Variants in NEO1 observed in about 807,000 individuals in gnomAD.
The protein encoded by NEO1 is neogenin 1.
In NEO1, 63 loss-of-function variants were observed where a neutral mutation model predicts 159.7. The observed-to-expected ratio is 0.39, with a 90% CI of 0.32 to 0.49. NEO1 has a LOEUF of 0.49. Ranked by LOEUF, NEO1 falls within the 20% of genes least tolerant of loss-of-function variation. The pLI is 0.85. For missense variants in NEO1, 1,615 were observed against 1,831.0 expected, an observed-to-expected ratio of 0.88 and a Z score of 2.15; for synonymous variants, 633 against 662.0, an observed-to-expected ratio of 0.96 and a Z score of 0.67.
intron 23 of NEO1, among the ~76,000 whole-genome samples, chr15:73,283,913 T>C (rs1223320312): frequency 6.6e-6 from 1 of 150,794 alleles, no homozygotes; most frequent in Admixed American, 6.6e-5. Context: ...GAGTTGGGGG[T>C]GGGGGTAGGA....
At chr15:73,254,185 G>A (rs1375216494) in intron 12 of NEO1, among the ~76,000 whole-genome samples, 4 of 151,470 alleles carry the variant, frequency 2.6e-5, no homozygotes, top group Non-Finnish European at 4.4e-5. Context: ...GTGAGACCCC[G>A]ACTCTAAAAA....
chr15:73,058,205 G>A (rs1271584400), intron 1 of NEO1, among the ~76,000 whole-genome samples: 1 of 152,158 alleles, frequency 6.6e-6, no homozygotes, highest in African/African-American at 2.4e-5. Flanking sequence ...AATTAAAGTA[G>A]TAGTTACAGA....
At chr15:73,085,525 GTTTAAC>G (rs1416600272) in intron 1 of NEO1, among the ~76,000 whole-genome samples, 1 of 152,136 alleles carries the variant, frequency 6.6e-6, no homozygotes, top group African/African-American at 2.4e-5. Context: ...TATGGTAAGT[GTTTAAC>G]TTTATGAGAT....
In NEO1 at chr15:73,244,954, CAA is replaced by C. The variant is rs57566986; in HGVS notation, c.1606+484_1606+485del. 1.8e-3 allele frequency among the ~76,000 whole-genome samples: 29 copies of C among 16,514 alleles called. 1 individual carries two copies. The highest frequency in any genetic ancestry group is 2.7e-3 in the African/African-American group (13 of 4,806). The allele number at this position is 16,514 out of a possible 152,430, so 10.8% of individuals were successfully genotyped here. The stretch of plus-strand genomic sequence containing the variant: ...TGGGTGACAGAGTGAGACTCTGTCT[CAA>C]AAAAAAAAAAAAAAAAAAAAAAAAA... On this transcript the variant is annotated intron_variant, in intron 9 of 28. Coordinates refer to ENST00000261908, the MANE Select transcript of NEO1 (RefSeq NM_002499.4).
intron 7 of NEO1, among the ~76,000 whole-genome samples, chr15:73,186,992 T>A (rs928194063): frequency 2.0e-5 from 3 of 152,202 alleles, no homozygotes; most frequent in African/African-American, 7.2e-5. Context: ...AAATAGTTGA[T>A]AACATGAAAT....
chr15:73,061,355 T>G (rs530200419), intron 1 of NEO1, among the ~76,000 whole-genome samples: 1 of 152,252 alleles, frequency 6.6e-6, no homozygotes, highest in South Asian at 2.1e-4. Context: ...CCCCTGGCCT[T>G]TCCTTTTATC....
chr15:73,085,710 T>A (rs1327993774), intron 1 of NEO1, among the ~76,000 whole-genome samples: 1 of 152,206 alleles, frequency 6.6e-6, no homozygotes, highest in African/African-American at 2.4e-5. Context: ...AAATTGCATT[T>A]CCCTAATGAC....
intron 13 of NEO1, 67 bp from the exon 14 acceptor site, chr15:73,258,699 G>A: frequency 7.5e-7 from 1 of 1,325,804 alleles, no homozygotes; most frequent in Non-Finnish European, 1.1e-6. Context: ...GCCTTAATGA[G>A]GGATTATTAA....
intron 1 of NEO1, among the ~76,000 whole-genome samples, chr15:73,092,498 T>G (rs2069750951): frequency 6.6e-6 from 1 of 152,166 alleles, no homozygotes; most frequent in African/African-American, 2.4e-5. Context: ...TTGATGAGTT[T>G]CATTGAAAAT....
At chr15:73,179,568 CCTTT>C in intron 7 of NEO1, among the ~76,000 whole-genome samples, 1 of 152,254 alleles carries the variant, frequency 6.6e-6, no homozygotes, top group East Asian at 1.9e-4. Context: ...GAAGGAAACT[CCTTT>C]CTTCTGTACT....
intron 3 of NEO1, among the ~76,000 whole-genome samples, chr15:73,123,011 G>C (rs1471675641): frequency 6.6e-6 from 1 of 152,066 alleles, no homozygotes; most frequent in East Asian, 1.9e-4. Context: ...ACAAAAATTA[G>C]CCAGACATGG....
chr15:73,127,960 A>G (rs955441389), intron 4 of NEO1, among the ~76,000 whole-genome samples: 6 of 152,134 alleles, frequency 3.9e-5, no homozygotes, highest in African/African-American at 1.2e-4. Context: ...TGAACAGACA[A>G]TTTTAATTTT....
At chr15:73,082,474 T>A (rs6495049) in intron 1 of NEO1, among the ~76,000 whole-genome samples, 20,636 of 152,006 alleles carry the variant, frequency 0.14, 2,363 homozygotes, top group African/African-American at 0.31. Context: ...TTGCTGTTAA[T>A]TTTTCTAAAA....
At chr15:73,077,919 T>A (rs1489125686) in intron 1 of NEO1, among the ~76,000 whole-genome samples, 1 of 152,168 alleles carries the variant, frequency 6.6e-6, no homozygotes, top group Non-Finnish European at 1.5e-5. Context: ...GGTTCCTCTG[T>A]CCATTGCGCA....
chr15:73,252,199 C>T (rs781238131), intron 11 of NEO1, among the ~76,000 whole-genome samples: 3 of 152,186 alleles, frequency 2.0e-5, no homozygotes, highest in Non-Finnish European at 4.4e-5. Context: ...AGTTGTATAC[C>T]TGGTCACCAA....
intron 3 of NEO1, among the ~76,000 whole-genome samples, chr15:73,123,313 A>T (rs1021546389): frequency 3.9e-5 from 6 of 152,186 alleles, no homozygotes; most frequent in Admixed American, 3.3e-4. Context: ...AATAAAGTAT[A>T]TTCACTGTCT....
rs192630823 is a variant in NEO1, at chr15:73,277,417, G to T, written c.3194-714G>T. Among the ~76,000 whole-genome samples the T allele has an allele frequency of 2.6e-5, 4 of 152,250 alleles. No homozygotes were observed. The East Asian group carries it at 7.7e-4, about 29-fold the overall frequency. ...AAAACTGATATTTGCACTTTCTGAG[G>T]CCTCCTTCTGGGGTGGTCCTAGGCC... On this transcript the variant is annotated intron_variant, in intron 21 of 28. Transcript: ENST00000261908.
intron 1 of NEO1, among the ~76,000 whole-genome samples, chr15:73,068,223 A>ACCC (rs1555421033): frequency 0.015 from 1,275 of 82,912 alleles, 42 homozygotes; most frequent in African/African-American, 0.033. Flanking sequence ...TTGTCCCCCT[A>ACCC]CCCCCCCCCC....
chr15:73,270,013 C>T lies in NEO1; in HGVS notation c.2498C>T (p.Thr833Ile), dbSNP rs2041100658. 6.2e-7 allele frequency: 1 copy of T among 1,613,056 alleles called. No individual in the cohort carries two copies. Among genetic ancestry groups the T allele is most frequent in the African/African-American group, 1.3e-5 (1 of 74,880 alleles). The change falls in exon 17 of 29, where the codon ACT becomes ATT. Residue 833 changes from threonine (T) to isoleucine (I), a missense_variant. Coordinates refer to ENST00000261908, the MANE Select transcript of NEO1 (RefSeq NM_002499.4). Reference protein sequence around the residue: ...ESAVTRPHTDTSEVDLFVINA... With the variant: ...ESAVTRPHTDISEVDLFVINA... ...TTTTAAATTATTTTCTGCTCAGACA[C>T]TTCTGAAGTTGATTTATTTGTTATT...
Sources: allele counts gnomAD v4.1 joint callset (sites outside exome capture counted in the v4.1 genomes callset), GRCh38; gene constraint gnomAD v4.1.1; transcripts MANE v1.5; gene names NCBI Gene and HGNC (gene_info 2026-07-23, HGNC 2026-07-21).